Variants in BMS1 observed in about 807,000 individuals in gnomAD.
BMS1 encodes the protein BMS1 ribosome biogenesis factor, also known as ribosome biogenesis protein BMS1 homolog.
In BMS1, 53 loss-of-function variants were observed where a neutral mutation model predicts 138.7. That is an observed-to-expected ratio of 0.38 (90% CI 0.31 to 0.48). BMS1 has a LOEUF of 0.48. Ranked by LOEUF, BMS1 falls within the 20% of genes least tolerant of loss-of-function variation. The pLI, the probability that BMS1 is intolerant of heterozygous loss-of-function variation, is 0.97. For synonymous variants in BMS1, 504 were observed against 539.9 expected, an observed-to-expected ratio of 0.93 and a Z score of 0.92; for missense variants, 1,360 against 1,565.5, an observed-to-expected ratio of 0.87 and a Z score of 2.22.
chr10:42,802,078 A>G, intron 12 of BMS1, 59 bp from the exon 13 acceptor site: 1 of 1,360,694 alleles, frequency 7.3e-7, no homozygotes. Flanking sequence ...GCCATTTCTT[A>G]GAGTTGTTTT....
At chr10:42,817,592 G>A in intron 15 of BMS1, 98 bp downstream of exon 15, 2 of 1,188,718 alleles carry the variant, frequency 1.7e-6, no homozygotes, top group South Asian at 1.7e-5. Context: ...TCCTGCTTCT[G>A]TGTATCCTGC....
chr10:42,792,088 C>G (rs61844813), intron 6 of BMS1, among the ~76,000 whole-genome samples: 9,746 of 152,228 alleles, frequency 0.064, 452 homozygotes, highest in Non-Finnish European at 0.092. Context: ...TGTGTGCCTT[C>G]TGTTTCCTTC....
intron 4 of BMS1, among the ~76,000 whole-genome samples, chr10:42,788,266 T>C (rs1396222995): frequency 6.6e-6 from 1 of 152,226 alleles, no homozygotes; most frequent in African/African-American, 2.4e-5. Flanking sequence ...AAATAGTTCA[T>C]AGAAGTCATT....
At chr10:42,813,442 A>G (rs1419165982) in intron 13 of BMS1, among the ~76,000 whole-genome samples, 1 of 152,148 alleles carries the variant, frequency 6.6e-6, no homozygotes, top group Admixed American at 6.5e-5. Context: ...ATGTTACAAT[A>G]TGCATATTGT....
At position 42,820,405 on chromosome 10, in the gene BMS1, G is replaced by A; in HGVS notation, c.2750G>A (p.Gly917Glu). The A allele has an allele frequency of 1.2e-6, 2 of 1,613,774 alleles. No individual in the cohort carries two copies. The highest frequency in any genetic ancestry group is 1.7e-6 in the Non-Finnish European group (2 of 1,179,848). ...CTGGGTGGCTTGGGCAACAGTGAGG[G>A]AAATGTTGGCTACGTGCAGGTGGGT... Reference protein sequence around the residue: ...IILGGLGNSEGNVGYVQMRLK... With the variant: ...IILGGLGNSEENVGYVQMRLK... Residue 917 changes from glycine (G) to glutamate (E), a missense_variant, in exon 16 of 23, where the codon GGA (glycine) becomes GAA (glutamate). Transcript: ENST00000374518.
At chr10:42,827,556 C>T (rs1564433756) in intron 21 of BMS1, among the ~76,000 whole-genome samples, 1 of 152,202 alleles carries the variant, frequency 6.6e-6, no homozygotes, top group Non-Finnish European at 1.5e-5. Flanking sequence ...GGCACAACGT[C>T]AGTTCCTTCT....
chr10:42,823,755 C>T lies in BMS1; in HGVS notation c.3427C>T (p.Leu1143=), dbSNP rs1842567035. 1 of 1,593,888 alleles carries T rather than the reference C, an allele frequency of 6.3e-7. No homozygotes were observed. The highest frequency in any genetic ancestry group is 8.5e-7 in the Non-Finnish European group (1 of 1,178,938). Residue 1143 remains leucine (L), a synonymous_variant, in exon 21 of 23, where the codon CTA becomes TTA. Transcript: ENST00000374518. ...ACTCAGGCTCGCCCATGGCGTCAGACTAAAGGCGAACAAGGACTCTCTGTA... is the reference window on the plus strand; with the variant it reads ...ACTCAGGCTCGCCCATGGCGTCAGATTAAAGGCGAACAAGGACTCTCTGTA... ...GQLRLAHGVR[L]KANKDSLYKP... is the part of the protein sequence containing the mutation.
At chr10:42,829,401 GTTTGAGTCTCCCTTC>G (rs1335661863) in intron 21 of BMS1, among the ~76,000 whole-genome samples, 1 of 152,166 alleles carries the variant, frequency 6.6e-6, no homozygotes, top group Admixed American at 6.5e-5. Flanking sequence ...TTCATCTGTT[GTTTGAGTCTCCCTTC>G]TTTTAGCCAT....
intron 19 of BMS1, 78 bp from the exon 20 acceptor site, chr10:42,823,040 A>T: frequency 1.5e-6 from 2 of 1,312,440 alleles, no homozygotes; most frequent in Non-Finnish European, 2.0e-6. Context: ...TTAATCAAGG[A>T]TGTATGTTTG....
Position 42,823,647 on chromosome 10 carries a change from C to T in BMS1, c.3319C>T (p.Pro1107Ser), listed in dbSNP as rs1190078719. Residue 1107 changes from proline (P) to serine (S), a missense_variant, in exon 21 of 23, where the codon CCA becomes TCA. Transcript: ENST00000374518. ...GCGAACTTGGTATCCTGTTTCCATC[C>T]CAGCGTTCTATAACCCAGTAACATC... Reference protein sequence around the residue: ...FMRTWYPVSIPAFYNPVTSLL... With the variant: ...FMRTWYPVSISAFYNPVTSLL... 8 of 1,591,346 alleles carry T rather than the reference C, an allele frequency of 5.0e-6. No individual in the cohort carries two copies. The South Asian group carries it at 8.9e-5, about 18-fold the overall frequency.
At position 42,823,833 on chromosome 10, in the gene BMS1, CAG is replaced by C. The variant is rs745667345; in HGVS notation, c.3456+50_3456+51del. ...GGAGATGAAGCCTGTGCTCTACAGA[CAG>C]GGAGTCACACAGACACTTTTCTATA... is the stretch of plus-strand genomic sequence containing the variant. On this transcript the variant is annotated intron_variant, in intron 21 of 22. Transcript: ENST00000374518. 5.0e-5 allele frequency: 69 copies of C among 1,368,380 alleles called. No individual in the cohort carries two copies. In the African/African-American group the frequency reaches 7.2e-4, roughly 14 times the overall value. The allele number at this position is 1,368,380 out of a possible 1,614,324, so 84.8% of individuals were successfully genotyped here.
chr10:42,801,584 C>A (rs1481479707), intron 12 of BMS1, among the ~76,000 whole-genome samples: 1 of 152,156 alleles, frequency 6.6e-6, no homozygotes, highest in Non-Finnish European at 1.5e-5. Context: ...GACTTGCATT[C>A]CCTGATAGAT....
intron 9 of BMS1, 54 bp from the exon 10 acceptor site, chr10:42,796,420 G>T: frequency 6.6e-7 from 1 of 1,525,660 alleles, no homozygotes; most frequent in South Asian, 1.3e-5. Context: ...GCCATTTCTA[G>T]ATTAGCTGAT....
In BMS1 at chr10:42,790,510, C is replaced by A. The variant is rs777251486; in HGVS notation, c.635C>A (p.Pro212Gln). ...CACAGGTTCTGGACGGAAGTTTACC[C>A]GGTACGAAGAGAAATAATTGTTGGA... ...LKHRFWTEVY[P>Q]GAKLFYLSGM... The change falls in exon 5 of 23, where the codon CCG becomes CAG. Residue 212 changes from proline (P) to glutamine (Q), a missense_variant and splice_region_variant. Coordinates refer to ENST00000374518, the MANE Select transcript of BMS1 (RefSeq NM_014753.4). The A allele has an allele frequency of 1.9e-6, 3 of 1,613,248 alleles. No individual in the cohort carries two copies. Among genetic ancestry groups the A allele is most frequent in the Non-Finnish European group, 2.5e-6 (3 of 1,179,520 alleles).
At chr10:42,789,949 G>A (rs1482482977) in intron 4 of BMS1, among the ~76,000 whole-genome samples, 1 of 152,088 alleles carries the variant, frequency 6.6e-6, no homozygotes, top group African/African-American at 2.4e-5. Flanking sequence ...TTCTTATAAT[G>A]GAAGTTTATA....
rs547986001 is a variant in BMS1, at chr10:42,830,945, A to G, written c.3698A>G (p.Asn1233Ser). ...GCCAAGGAGCAGCGGCACCTGCACA[A>G]TAAAGAGCACTTCAGAGCCAAGCAG... ...KKAKEQRHLH[N>S]KEHFRAKQKE... The change falls in exon 23 of 23, where the codon AAT becomes AGT. Residue 1233 changes from asparagine (N) to serine (S), a missense_variant. This residue lies in a region of BMS1 where 425 missense variants were observed against 568.3 expected (regional missense o/e 0.75). Coordinates refer to ENST00000374518, the MANE Select transcript of BMS1 (RefSeq NM_014753.4). The G allele has an allele frequency of 6.2e-6, 10 of 1,611,626 alleles. No individual in the cohort carries two copies. Among genetic ancestry groups the G allele is most frequent in the African/African-American group, 1.3e-5 (1 of 74,934 alleles).
rs1240227569 is a variant in BMS1, at chr10:42,832,312, C to T, written c.*1216C>T. Reference sequence around the variant, plus strand: ...GGTGGGTGCACACCTGTAGTTCCAGCTGCTTGGGAGGCTGAGGTAGGAGGA... The same window carrying T: ...GGTGGGTGCACACCTGTAGTTCCAGTTGCTTGGGAGGCTGAGGTAGGAGGA... On this transcript the variant is annotated 3_prime_UTR_variant, in exon 23 of 23. Coordinates refer to ENST00000374518, the MANE Select transcript of BMS1 (RefSeq NM_014753.4). 5 of 152,026 alleles carry T rather than the reference C, an allele frequency of 3.3e-5. No individual in the cohort carries two copies. The highest frequency in any genetic ancestry group is 1.2e-4 in the African/African-American group (5 of 41,366). The allele number at this position is 152,026 out of a possible 1,614,324, so 9.4% of individuals were successfully genotyped here. A position where few individuals can be genotyped will look rare whatever the true frequency, so the allele number is the denominator to read the frequency against.
At chr10:42,792,186 C>G (rs1397394977) in intron 6 of BMS1, among the ~76,000 whole-genome samples, 2 of 152,184 alleles carry the variant, frequency 1.3e-5, no homozygotes, top group Non-Finnish European at 2.9e-5. Context: ...AATCCCAGAG[C>G]ACAGGCTCGC....
At chr10:42,821,215 C>T (rs1166206728) in intron 18 of BMS1, among the ~76,000 whole-genome samples, 1 of 152,064 alleles carries the variant, frequency 6.6e-6, no homozygotes, top group African/African-American at 2.4e-5. Context: ...TTTTGTGCAT[C>T]TTTTGCATTT....
Sources: allele counts gnomAD v4.1 joint callset (sites outside exome capture counted in the v4.1 genomes callset), GRCh38; gene constraint gnomAD v4.1.1; regional missense constraint gnomAD v4.1.1; transcripts MANE v1.5; gene names NCBI Gene and HGNC (gene_info 2026-07-23, HGNC 2026-07-21).